Variants in KIAA1217 observed in about 807,000 individuals in gnomAD.
KIAA1217 encodes the protein KIAA1217, also known as sickle tail protein homolog.
In KIAA1217, 88 loss-of-function variants were observed where a neutral mutation model predicts 163.9. The ratio of observed to expected loss-of-function variants is 0.54; its 90% CI spans 0.45 to 0.64. The LOEUF is 0.64. KIAA1217 is among the 30% of genes least tolerant of loss of function. KIAA1217 has a pLI of 0.00. For missense variants in KIAA1217, 2,372 were observed against 2,475.0 expected (o/e 0.96, Z 0.88); for synonymous variants, 903 against 923.1 (o/e 0.98, Z 0.39).
chr10:24,537,805 C>CA (rs568156299), intron 17 of KIAA1217, among the ~76,000 whole-genome samples: 51 of 152,006 alleles, frequency 3.4e-4, no homozygotes, highest in African/African-American at 1.2e-3. Flanking sequence ...TGTGTGATGT[C>CA]AAAAAAAGAA....
chr10:24,175,866 G>A (rs572735415), intron 2 of KIAA1217, among the ~76,000 whole-genome samples: 2 of 152,264 alleles, frequency 1.3e-5, no homozygotes, highest in South Asian at 4.2e-4. Context: ...TGTCTCACTG[G>A]CCTCAGGAGT....
chr10:24,169,898 C>T (rs78328692), intron 2 of KIAA1217, among the ~76,000 whole-genome samples: 3,186 of 151,976 alleles, frequency 0.021, 83 homozygotes, highest in African/African-American at 0.067. Flanking sequence ...ATTAAAAAAA[C>T]GAAAAAACAC....
chr10:24,207,361 T>C (rs1469682303), upstream of KIAA1217, among the ~76,000 whole-genome samples: 2 of 151,430 alleles, frequency 1.3e-5, no homozygotes, highest in Non-Finnish European at 2.9e-5. Context: ...GCATTAATAC[T>C]TTAAAGACAA....
At chr10:23,698,869 C>G (rs1438715381) in intron 1 of KIAA1217, among the ~76,000 whole-genome samples, 1 of 152,080 alleles carries the variant, frequency 6.6e-6, no homozygotes, top group African/African-American at 2.4e-5. Context: ...ACTGTAGCCT[C>G]AACCTCCTGG....
At chr10:24,419,172 C>CAAAA (rs71397949) in intron 3 of KIAA1217, among the ~76,000 whole-genome samples, 1 of 82,594 alleles carries the variant, frequency 1.2e-5, no homozygotes, top group African/African-American at 4.8e-5. Context: ...GACTCGTCTC[C>CAAAA]AAAAAAAAAA....
At chr10:23,879,139 G>A (rs1466431811) in intron 1 of KIAA1217, among the ~76,000 whole-genome samples, 1 of 151,916 alleles carries the variant, frequency 6.6e-6, no homozygotes, top group Non-Finnish European at 1.5e-5. Context: ...GAGGCTGGCT[G>A]AGATCATTTA....
chr10:24,193,847 A>AC (rs1564812487), intron 2 of KIAA1217, among the ~76,000 whole-genome samples: 8 of 135,522 alleles, frequency 5.9e-5, no homozygotes, highest in African/African-American at 8.3e-5. Context: ...CACACACACA[A>AC]AGCAGTCACG....
chr10:24,105,143 A>G (rs967484149), intron 2 of KIAA1217, among the ~76,000 whole-genome samples: 1 of 152,144 alleles, frequency 6.6e-6, no homozygotes, highest in Non-Finnish European at 1.5e-5. Context: ...TAACTAGAAT[A>G]TAAGTATGGA....
At chr10:24,148,048 A>G (rs530401447) in intron 2 of KIAA1217, among the ~76,000 whole-genome samples, 201 of 152,194 alleles carry the variant, frequency 1.3e-3, no homozygotes, top group African/African-American at 4.8e-3. Context: ...TGAGCGTATA[A>G]GCCCAAAAGA....
chr10:24,116,112 T>C (rs1429532135), intron 2 of KIAA1217, among the ~76,000 whole-genome samples: 1 of 152,096 alleles, frequency 6.6e-6, no homozygotes, highest in Non-Finnish European at 1.5e-5. Flanking sequence ...CACTCTTACA[T>C]CACCTGATCC....
chr10:24,231,112 G>A (rs766011339), intron 2 of KIAA1217, among the ~76,000 whole-genome samples: 23 of 152,172 alleles, frequency 1.5e-4, no homozygotes, highest in Non-Finnish European at 2.1e-4. Flanking sequence ...AAGTGCCAGC[G>A]TCCTGGTTGG....
At chr10:24,105,128 C>T (rs1009387783) in intron 2 of KIAA1217, among the ~76,000 whole-genome samples, 6 of 151,894 alleles carry the variant, frequency 4.0e-5, no homozygotes, top group African/African-American at 1.5e-4. Flanking sequence ...GAGATGCATG[C>T]CAACTAACTA....
intron 1 of KIAA1217, among the ~76,000 whole-genome samples, chr10:23,819,536 C>A (rs1246798389): frequency 6.6e-6 from 1 of 152,100 alleles, no homozygotes; most frequent in Non-Finnish European, 1.5e-5. Flanking sequence ...AAATGTAATT[C>A]TCATTAACTT....
chr10:24,486,214 G>A (rs989788832), intron 6 of KIAA1217, among the ~76,000 whole-genome samples: 7 of 152,128 alleles, frequency 4.6e-5, no homozygotes, highest in South Asian at 4.1e-4. Context: ...CAGTGGAGGG[G>A]GCCAGAGTGA....
intron 1 of KIAA1217, among the ~76,000 whole-genome samples, chr10:23,897,740 G>T (rs557518461): frequency 1.3e-5 from 2 of 151,610 alleles, no homozygotes; most frequent in African/African-American, 2.4e-5. Context: ...TATTTTTCCT[G>T]TTTTCTTCAC....
chr10:23,969,793 T>C (rs1845228452), intron 1 of KIAA1217, among the ~76,000 whole-genome samples: 1 of 152,194 alleles, frequency 6.6e-6, no homozygotes, highest in East Asian at 1.9e-4. Context: ...CTGTTGAAGT[T>C]CAATTGTATT....
chr10:24,103,535 A>C (rs1246917870), intron 2 of KIAA1217, among the ~76,000 whole-genome samples: 1 of 152,174 alleles, frequency 6.6e-6, no homozygotes, highest in Non-Finnish European at 1.5e-5. Flanking sequence ...TATGCAACGA[A>C]CTCTTAAAAC....
intron 3 of KIAA1217, among the ~76,000 whole-genome samples, chr10:24,387,249 C>T (rs1163299266): frequency 5.3e-5 from 8 of 152,302 alleles, no homozygotes; most frequent in Non-Finnish European, 1.0e-4. Context: ...GCTGGTTCAA[C>T]TTACGCAAAT....
intron 5 of KIAA1217, among the ~76,000 whole-genome samples, chr10:24,445,872 T>G (rs1380871254): frequency 3.9e-5 from 6 of 152,152 alleles, no homozygotes; most frequent in Non-Finnish European, 7.3e-5. Context: ...GCAGCGTGAT[T>G]TATAATCCTT....
Sources: gnomAD v4.1 joint callset for allele counts (sites outside exome capture counted in the v4.1 genomes callset) on GRCh38, gnomAD v4.1.1 for gene constraint, MANE v1.5 for transcripts, NCBI Gene and HGNC (gene_info 2026-07-23, HGNC 2026-07-21) for gene names.